The following MICAL2 variants were observed in gnomAD, a reference collection of about 807,000 sequenced individuals.
MICAL2 encodes the protein microtubule associated monooxygenase, calponin and LIM domain containing 2.
In MICAL2, 77 loss-of-function variants were observed where a neutral mutation model predicts 127.3. The observed-to-expected ratio is 0.60, with a 90% CI of 0.50 to 0.73. The LOEUF is 0.73. Ranked by LOEUF, MICAL2 falls within the 30% of genes least tolerant of loss-of-function variation. The probability of loss-of-function intolerance (pLI) is 0.00; values close to 1 mark genes in which losing one functional copy is unlikely to be tolerated. For missense variants in MICAL2, 1,351 were observed against 1,434.4 expected (o/e 0.94, Z 0.94); for synonymous variants, 570 against 551.1 (o/e 1.03, Z -0.48).
downstream of MICAL2, among the ~76,000 whole-genome samples, chr11:12,360,844 A>G (rs1054570472): frequency 1.1e-4 from 17 of 152,196 alleles, no homozygotes; most frequent in Non-Finnish European, 2.5e-4. Flanking sequence ...ACAGTTTTCT[A>G]TATACACTGG....
intron 3 of MICAL2, among the ~76,000 whole-genome samples, chr11:12,180,765 A>G (rs1857358727): frequency 1.2e-5 from 1 of 85,940 alleles, no homozygotes. Flanking sequence ...CAACAGTCCT[A>G]GACTTTAGTT....
downstream of MICAL2, chr11:12,292,406 G>A: frequency 8.1e-7 from 1 of 1,233,290 alleles, no homozygotes; most frequent in Non-Finnish European, 1.2e-6. Context: ...GTCAACCTAA[G>A]TGCAAAGCCA....
intron 1 of MICAL2, among the ~76,000 whole-genome samples, chr11:12,128,900 C>T (rs1186211253): frequency 6.6e-6 from 1 of 152,232 alleles, no homozygotes; most frequent in Admixed American, 6.5e-5. Context: ...GCTATGTCAA[C>T]ACTTAGAACA....
intron 1 of MICAL2, among the ~76,000 whole-genome samples, chr11:12,124,797 G>A (rs989364523): frequency 2.6e-5 from 4 of 152,124 alleles, no homozygotes; most frequent in African/African-American, 7.2e-5. Flanking sequence ...CCTCCACCTC[G>A]CATCTAGCAG....
Position 12,223,686 on chromosome 11 carries a change from C to A in MICAL2, c.1540+185C>A, listed in dbSNP as rs148955980. 2.3e-3 allele frequency among the ~76,000 whole-genome samples: 349 copies of A among 152,232 alleles called. 1 individual carries two copies. The highest frequency in any genetic ancestry group is 0.014 in the Middle Eastern group (4 of 294). ...TCCTCCTCTGTGAGACCAAGAGAAC[C>A]CCTGCCCAGAGAATCATTATGAAGA... On this transcript the variant is annotated intron_variant, in intron 12 of 27. Transcript: ENST00000683283.
intron 2 of MICAL2, among the ~76,000 whole-genome samples, chr11:12,151,737 T>G (rs904560875): frequency 6.6e-6 from 1 of 152,138 alleles, no homozygotes; most frequent in Admixed American, 6.5e-5. Flanking sequence ...GGGTCGGTCT[T>G]AGAAGTGGCA....
intron 3 of MICAL2, among the ~76,000 whole-genome samples, chr11:12,165,618 C>T (rs1855412667): frequency 6.6e-6 from 1 of 152,240 alleles, no homozygotes; most frequent in African/African-American, 2.4e-5. Context: ...CTCAGCACCA[C>T]CTGGAGTGGG....
At chr11:12,144,293 T>C (rs1852658212) in intron 2 of MICAL2, among the ~76,000 whole-genome samples, 1 of 152,218 alleles carries the variant, frequency 6.6e-6, no homozygotes, top group South Asian at 2.1e-4. Context: ...CCAATGTCTT[T>C]ATTCAGCCAA....
intron 2 of MICAL2, among the ~76,000 whole-genome samples, chr11:12,154,984 C>G (rs1853999048): frequency 6.6e-6 from 1 of 152,198 alleles, no homozygotes; most frequent in African/African-American, 2.4e-5. Flanking sequence ...GAGGCATTTA[C>G]TCACCTCTGT....
At chr11:12,120,777 C>T (rs987492099) in intron 1 of MICAL2, among the ~76,000 whole-genome samples, 4 of 152,170 alleles carry the variant, frequency 2.6e-5, no homozygotes, top group Admixed American at 2.0e-4. Context: ...GCATGGAGAG[C>T]CCTGAGTTCT....
chr11:12,125,066 G>C (rs989418517), intron 1 of MICAL2, among the ~76,000 whole-genome samples: 1 of 152,180 alleles, frequency 6.6e-6, no homozygotes, highest in Non-Finnish European at 1.5e-5. Context: ...AGCCACTGGG[G>C]CTTCCTGCGC....
At chr11:12,172,426 A>C (rs1200504890) in intron 3 of MICAL2, among the ~76,000 whole-genome samples, 2 of 152,212 alleles carry the variant, frequency 1.3e-5, no homozygotes, top group Non-Finnish European at 2.9e-5. Context: ...ACGATGATTG[A>C]GCTGAGGAAG....
chr11:12,278,049 G>C (rs142759786), intron 1 of MICAL2, among the ~76,000 whole-genome samples: 16 of 152,306 alleles, frequency 1.1e-4, no homozygotes, highest in African/African-American at 3.6e-4. Context: ...TACTATAAAT[G>C]GAGCTCACAG....
chr11:12,306,778 T>C (rs768371765), intron 29 of MICAL2, among the ~76,000 whole-genome samples: 4 of 152,234 alleles, frequency 2.6e-5, no homozygotes, highest in Non-Finnish European at 4.4e-5. Flanking sequence ...TGCATGTTGT[T>C]GCACATTTCA....
intron 22 of MICAL2, among the ~76,000 whole-genome samples, chr11:12,249,712 G>A (rs1044911492): frequency 2.0e-5 from 3 of 152,342 alleles, no homozygotes; most frequent in Admixed American, 2.0e-4. Context: ...ACCCACGTGG[G>A]CTTGCTCGAT....
At position 12,223,394 on chromosome 11, in the gene MICAL2, G is replaced by A; in HGVS notation, c.1450-17G>A. The A allele has an allele frequency of 6.2e-7, 1 of 1,609,322 alleles. No individual in the cohort carries two copies. The highest frequency in any genetic ancestry group is 8.5e-7 in the Non-Finnish European group (1 of 1,175,902). On this transcript the variant is annotated splice_polypyrimidine_tract_variant and intron_variant, in intron 11 of 27. Transcript: ENST00000683283. ...TGGGGGAAAACTGGTGGGCAAGCAT[G>A]TCTCTCTTGCTCATAGGTGAAGCAT...
chr11:12,239,209 C>CA (rs1859527376), intron 16 of MICAL2, among the ~76,000 whole-genome samples: 1 of 152,160 alleles, frequency 6.6e-6, no homozygotes, highest in Non-Finnish European at 1.5e-5. Context: ...ATTCAAACCC[C>CA]AACCACCTGG....
At chr11:12,281,447 C>T (rs1863770399) in intron 2 of MICAL2, among the ~76,000 whole-genome samples, 1 of 152,112 alleles carries the variant, frequency 6.6e-6, no homozygotes, top group South Asian at 2.1e-4. Context: ...CTTAGGGGCC[C>T]CTCCAGCATC....
intron 29 of MICAL2, among the ~76,000 whole-genome samples, chr11:12,305,856 C>A (rs1319149432): frequency 6.6e-6 from 1 of 152,166 alleles, no homozygotes; most frequent in African/African-American, 2.4e-5. Flanking sequence ...TTTTCCCAGG[C>A]ATGTGGGGTT....
Sources: allele counts gnomAD v4.1 joint callset (sites outside exome capture counted in the v4.1 genomes callset), GRCh38; gene constraint gnomAD v4.1.1; transcripts MANE v1.5; gene names NCBI Gene and HGNC (gene_info 2026-07-23, HGNC 2026-07-21).